The following NPFFR2 variants were observed in gnomAD, a reference collection of about 807,000 sequenced individuals.
NPFFR2 encodes the protein G-protein coupled receptor 74.
NPFFR2 carries 15 observed loss-of-function variants against 13.1 expected under a neutral mutation model. The observed-to-expected ratio is 1.15, with a 90% CI of 0.77 to 1.76. The LOEUF (loss-of-function observed/expected upper bound fraction) is 1.76, where lower values mean the gene tolerates loss of function less well. Among genes scored for constraint, NPFFR2 ranks in the 40% most tolerant of loss-of-function variants. The pLI, the probability that NPFFR2 is intolerant of heterozygous loss-of-function variation, is 0.00. For missense variants in NPFFR2, 572 were observed against 503.5 expected (o/e 1.14, Z -1.30); for synonymous variants, 190 against 175.7 (o/e 1.08, Z -0.65).
intron 1 of NPFFR2, among the ~76,000 whole-genome samples, chr4:72,105,462 T>G (rs1560412724): frequency 6.6e-6 from 1 of 152,006 alleles, no homozygotes; most frequent in Non-Finnish European, 1.5e-5. Flanking sequence ...CAGTATTTGT[T>G]AAGAGCAGAA....
At chr4:72,103,735 C>T (rs968961680) in intron 1 of NPFFR2, among the ~76,000 whole-genome samples, 7 of 151,970 alleles carry the variant, frequency 4.6e-5, no homozygotes, top group African/African-American at 1.7e-4. Flanking sequence ...CAAAGTTGAA[C>T]TAATAGAAAA....
intron 3 of NPFFR2, among the ~76,000 whole-genome samples, chr4:72,143,827 A>G (rs1362577615): frequency 6.6e-6 from 1 of 152,044 alleles, no homozygotes; most frequent in African/African-American, 2.4e-5. Flanking sequence ...GATAATTAAT[A>G]CCCCTAGAAG....
In NPFFR2 at chr4:72,147,294, G is replaced by A. The variant is rs552549398; in HGVS notation, c.745G>A (p.Ala249Thr). ...AAGGATTGGAATTTCACTCTTCAGG[G>A]CTGCAGTTCCTCACACAGGCAGGAA... is the stretch of plus-strand genomic sequence containing the variant. ...YGRIGISLFR[A>T]AVPHTGRKNQ... is the part of the protein sequence containing the mutation. Residue 249 changes from alanine (A) to threonine (T), a missense_variant, in exon 4 of 4, where the codon GCT becomes ACT. Physicochemically the swap from Ala to Thr is moderately conservative, Grantham distance 58. Coordinates refer to ENST00000308744, the MANE Select transcript of NPFFR2 (RefSeq NM_004885.3). The A allele has an allele frequency of 1.2e-6, 2 of 1,614,096 alleles. No individual in the cohort carries two copies. The highest frequency in any genetic ancestry group is 2.2e-5 in the East Asian group (1 of 44,886).
chr4:72,135,988 C>T (rs1722398319), intron 2 of NPFFR2, among the ~76,000 whole-genome samples: 2 of 152,042 alleles, frequency 1.3e-5, no homozygotes, highest in African/African-American at 4.8e-5. Context: ...AAGAACATTT[C>T]AATTCTACTC....
At chr4:72,133,435 G>A (rs1357940114) in intron 2 of NPFFR2, among the ~76,000 whole-genome samples, 1 of 152,138 alleles carries the variant, frequency 6.6e-6, no homozygotes, top group South Asian at 2.1e-4. Flanking sequence ...TTGAAGTTGG[G>A]TAGCATAATG....
chr4:72,072,000 G>T (rs1181100596), intron 1 of NPFFR2, among the ~76,000 whole-genome samples: 3 of 152,254 alleles, frequency 2.0e-5, no homozygotes, highest in Non-Finnish European at 4.4e-5. Context: ...AAAGGCCAGA[G>T]AATACATTAA....
rs372221734 is a variant in NPFFR2, at chr4:72,065,324, C to T, written c.-8+33124C>T. Reference sequence around the variant, plus strand: ...AAAAAATCAGAGACCAAAAGGAATGCGATGGAAATAATGAATGCAAATATG... The same window carrying T: ...AAAAAATCAGAGACCAAAAGGAATGTGATGGAAATAATGAATGCAAATATG... On this transcript the variant is annotated intron_variant, in intron 1 of 3. Transcript: ENST00000308744. Among the ~76,000 whole-genome samples, 14 of 151,844 alleles carry T rather than the reference C, an allele frequency of 9.2e-5. No individual in the cohort carries two copies. The South Asian group carries it at 1.2e-3, about 13-fold the overall frequency.
intron 1 of NPFFR2, among the ~76,000 whole-genome samples, chr4:72,102,773 G>A (rs1186744639): frequency 6.6e-6 from 1 of 151,928 alleles, no homozygotes; most frequent in East Asian, 1.9e-4. Context: ...GTCTATCATT[G>A]TTGGACATTT....
intron 2 of NPFFR2, among the ~76,000 whole-genome samples, chr4:72,136,192 C>G (rs1344191241): frequency 2.6e-5 from 4 of 151,978 alleles, no homozygotes; most frequent in Non-Finnish European, 5.9e-5. Flanking sequence ...CCCATCTCTA[C>G]TAAAAATTTT....
intron 1 of NPFFR2, among the ~76,000 whole-genome samples, chr4:72,116,400 C>T (rs962387327): frequency 1.3e-4 from 20 of 151,330 alleles, no homozygotes; most frequent in East Asian, 1.2e-3. Flanking sequence ...GGACAATGGA[C>T]ACTGGGGACT....
At chr4:72,089,670 A>AT (rs1187871575) in intron 1 of NPFFR2, among the ~76,000 whole-genome samples, 2 of 150,672 alleles carry the variant, frequency 1.3e-5, no homozygotes, top group African/African-American at 4.9e-5. Context: ...TTATGATGGG[A>AT]TTTTTTTCTT....
At chr4:72,077,287 A>T (rs1360850245) in intron 1 of NPFFR2, among the ~76,000 whole-genome samples, 2 of 152,106 alleles carry the variant, frequency 1.3e-5, no homozygotes, top group Non-Finnish European at 2.9e-5. Context: ...ACCACAAGAA[A>T]ATTTTGTTTC....
intron 1 of NPFFR2, among the ~76,000 whole-genome samples, chr4:72,076,916 A>G (rs912983293): frequency 6.6e-6 from 1 of 152,312 alleles, no homozygotes; most frequent in East Asian, 1.9e-4. Flanking sequence ...CTAAGTGCTT[A>G]TTCAATGTTA....
At chr4:72,076,102 G>T (rs116763269) in intron 1 of NPFFR2, among the ~76,000 whole-genome samples, 1 of 151,404 alleles carries the variant, frequency 6.6e-6, no homozygotes, top group African/African-American at 2.4e-5. Flanking sequence ...AAGGCTAGAC[G>T]GCATAGATAG....
intron 1 of NPFFR2, among the ~76,000 whole-genome samples, chr4:72,114,662 T>C (rs1055611680): frequency 6.6e-6 from 1 of 152,168 alleles, no homozygotes; most frequent in Non-Finnish European, 1.5e-5. Flanking sequence ...TTCATCACCT[T>C]ATAACACAAT....
intron 1 of NPFFR2, among the ~76,000 whole-genome samples, chr4:72,100,324 G>T (rs960370397): frequency 6.6e-6 from 1 of 152,004 alleles, no homozygotes; most frequent in Non-Finnish European, 1.5e-5. Flanking sequence ...TCAAATTTTG[G>T]CTCTGTTGCT....
rs1479121231 is a variant in NPFFR2 at position 72,101,962 on chromosome 4, G to A, written c.-7-26623G>A. On this transcript the variant is annotated intron_variant, in intron 1 of 3. Transcript: ENST00000308744. Reference sequence around the variant, plus strand: ...AAGGTTAGAATAGACTAGAATAGGTGCTCCAAAAAGCCACAGGATATGCAG... The same window carrying A: ...AAGGTTAGAATAGACTAGAATAGGTACTCCAAAAAGCCACAGGATATGCAG... Among the ~76,000 whole-genome samples, 11 of 152,164 alleles carry A rather than the reference G, an allele frequency of 7.2e-5. No homozygotes were observed. In the East Asian group the frequency reaches 1.7e-3, roughly 24 times the overall value.
Position 72,128,327 on chromosome 4 carries a change from TAG to T in NPFFR2, c.-7-255_-7-254del, listed in dbSNP as rs534514687. 6.3e-4 allele frequency among the ~76,000 whole-genome samples: 96 copies of T among 152,276 alleles called. 1 individual carries two copies. The highest frequency in any genetic ancestry group is 2.2e-3 in the African/African-American group (92 of 41,560). ...AGTGCATGCCAAAAGAAGTGAAATA[TAG>T]AGTGTATTAGAAATAAAATATAATA... On this transcript the variant is annotated intron_variant, in intron 1 of 3. Coordinates refer to ENST00000308744, the MANE Select transcript of NPFFR2 (RefSeq NM_004885.3).
chr4:72,146,704 A>G (rs1361751669), intron 3 of NPFFR2: 2 of 353,070 alleles, frequency 5.7e-6, no homozygotes. Context: ...TTAATGGAAC[A>G]GAGTCTGAAA....
Sources: gnomAD v4.1 joint callset for allele counts (sites outside exome capture counted in the v4.1 genomes callset) on GRCh38, gnomAD v4.1.1 for gene constraint, MANE v1.5 for transcripts, NCBI Gene and HGNC (gene_info 2026-07-23, HGNC 2026-07-21) for gene names.